Variants in COL23A1 observed in about 807,000 individuals in gnomAD.
COL23A1 encodes the protein collagen type XXIII alpha 1 chain, also known as collagen alpha-1(XXIII) chain.
COL23A1 carries 97 observed loss-of-function variants against 99.3 expected under a neutral mutation model. That is an observed-to-expected ratio of 0.98 (90% confidence interval 0.83 to 1.16). The LOEUF is 1.16. COL23A1 is among the 50% of genes most tolerant of loss of function. The pLI is 0.00. For synonymous variants in COL23A1, 320 were observed against 308.2 expected (o/e 1.04, Z -0.40); for missense variants, 762 against 757.4 (o/e 1.01, Z -0.07).
intron 5 of COL23A1, among the ~76,000 whole-genome samples, chr5:178,273,628 T>G (rs1176795904): frequency 1.3e-5 from 2 of 152,220 alleles, no homozygotes; most frequent in Non-Finnish European, 2.9e-5. Context: ...GCACCGGCAC[T>G]GAAGCTCCCT....
chr5:178,265,540 C>G (rs974130044), intron 8 of COL23A1: 6 of 339,336 alleles, frequency 1.8e-5, no homozygotes, highest in African/African-American at 6.7e-5. Flanking sequence ...TCCTGGCCAG[C>G]CTGCCTGCTC....
At chr5:178,380,305 T>C (rs1280308358) in intron 2 of COL23A1, among the ~76,000 whole-genome samples, 3 of 152,080 alleles carry the variant, frequency 2.0e-5, no homozygotes, top group East Asian at 1.9e-4. Flanking sequence ...GGGTCCAATG[T>C]GGCACACCAA....
rs139322607 is a variant in COL23A1 at position 178,282,174 on chromosome 5, C to T, written c.441+6150G>A. ...GATACAGAACTGGACATTTCATTAC[C>T]AGGGGAAGATTTAGAAATTCTTCCT... On this transcript the variant is annotated intron_variant, in intron 5 of 28. Coordinates refer to ENST00000390654, the MANE Select transcript of COL23A1 (RefSeq NM_173465.4). Among the ~76,000 whole-genome samples the T allele has an allele frequency of 7.2e-5, 11 of 152,188 alleles. No individual in the cohort carries two copies. The East Asian group carries it at 2.1e-3, about 29-fold the overall frequency.
chr5:178,330,325 G>C (rs1170000859), intron 2 of COL23A1, among the ~76,000 whole-genome samples: 3 of 152,194 alleles, frequency 2.0e-5, no homozygotes, highest in Non-Finnish European at 4.4e-5. Context: ...CTCCTGACTG[G>C]GTCAAGCCGT....
intron 3 of COL23A1, among the ~76,000 whole-genome samples, chr5:178,298,945 C>T (rs1757891149): frequency 6.6e-6 from 1 of 152,320 alleles, no homozygotes. Context: ...GTGGTTTTAT[C>T]TCTTATTCAA....
At position 178,434,339 on chromosome 5, in the gene COL23A1, C is replaced by T. The variant is rs905294934; in HGVS notation, c.361+126343G>A. 1.3e-5 allele frequency among the ~76,000 whole-genome samples: 2 copies of T among 152,198 alleles called. No individual in the cohort carries two copies. Among genetic ancestry groups the T allele is most frequent in the African/African-American group, 4.8e-5 (2 of 41,440 alleles). On this transcript the variant is annotated intron_variant, in intron 2 of 28. Transcript: ENST00000390654. The surrounding 1 kb of genome is among the most constrained non-coding windows in gnomAD (Gnocchi z 4.3). ...TCACTGGCCCCGAGGCACTGTTCTC[C>T]AGGACAGATGCAGCAACCACACATG...
chr5:178,333,710 C>T (rs1001237565), intron 2 of COL23A1, among the ~76,000 whole-genome samples: 1 of 152,242 alleles, frequency 6.6e-6, no homozygotes, highest in African/African-American at 2.4e-5. Context: ...CCTGGGAGGA[C>T]GTCCATCTGC....
intron 1 of COL23A1, chr5:178,562,318 G>A (rs1164628146): frequency 1.3e-5 from 3 of 233,924 alleles, no homozygotes; most frequent in Non-Finnish European, 2.6e-5. Flanking sequence ...ACTTTGGGAC[G>A]CCGAGGCCGG....
chr5:178,585,636 T>TGGATGGCGCTGGGGTAACG (rs1763932578), intron 1 of COL23A1, among the ~76,000 whole-genome samples: 1 of 3,822 alleles, frequency 2.6e-4, no homozygotes, highest in East Asian at 3.1e-3. Flanking sequence ...GGGGTAACAC[T>TGGATGGCGCTGGGGTAACG]CCACAGCCCT....
Position 178,544,756 on chromosome 5 carries a change from G to A in COL23A1, c.361+15926C>T, listed in dbSNP as rs899201712. Among the ~76,000 whole-genome samples the A allele has an allele frequency of 1.3e-5, 2 of 152,130 alleles. No individual in the cohort carries two copies. Among genetic ancestry groups the A allele is most frequent in the African/African-American group, 2.4e-5 (1 of 41,420 alleles). ...AGCCTCCAGGTCACCTGCTGCCCCC[G>A]TGCCACTGGGGTAGTACGTTCGGGC... is the stretch of plus-strand genomic sequence containing the variant. On this transcript the variant is annotated intron_variant, in intron 2 of 28. Transcript: ENST00000390654. The surrounding 1 kb of genome is among the most constrained non-coding windows in gnomAD (Gnocchi z 4.4).
intron 1 of COL23A1, among the ~76,000 whole-genome samples, chr5:178,586,401 C>G (rs761616413): frequency 5.3e-5 from 8 of 152,188 alleles, no homozygotes; most frequent in Non-Finnish European, 1.2e-4. Flanking sequence ...TAGGAAACCT[C>G]AGGCATGGTC....
intron 2 of COL23A1, among the ~76,000 whole-genome samples, chr5:178,435,237 T>C (rs1766492607): frequency 6.6e-6 from 1 of 152,160 alleles, no homozygotes; most frequent in Admixed American, 6.6e-5. Context: ...CCTCTTTTAA[T>C]CTCCGGATGA....
At position 178,257,637 on chromosome 5, in the gene COL23A1, A is replaced by G. The variant is rs1012273215; in HGVS notation, c.730-70T>C. On this transcript the variant is annotated intron_variant, in intron 12 of 28. Coordinates refer to ENST00000390654, the MANE Select transcript of COL23A1 (RefSeq NM_173465.4). ...GCCAGTGGGCCCCTCCCTCCTCTGG[A>G]CTTCCCAGCACACCAGTCTGCTCCT... The G allele has an allele frequency of 6.9e-6, 10 of 1,440,174 alleles. No homozygotes were observed. The Admixed American group carries it at 1.4e-4, about 20-fold the overall frequency. The allele number at this position is 1,440,174 out of a possible 1,614,324, so 89.2% of individuals were successfully genotyped here.
chr5:178,573,305 C>T (rs1284612995), intron 1 of COL23A1, among the ~76,000 whole-genome samples: 2 of 152,228 alleles, frequency 1.3e-5, no homozygotes, highest in Non-Finnish European at 2.9e-5. Context: ...CAGAAGGCAT[C>T]ACACTGAGCC....
chr5:178,365,488 CA>C lies in COL23A1; in HGVS notation c.362-58570del, dbSNP rs1444887935. 6.6e-6 allele frequency among the ~76,000 whole-genome samples: 1 copy of C among 152,152 alleles called. No individual in the cohort carries two copies. The highest frequency in any genetic ancestry group is 1.5e-5 in the Non-Finnish European group (1 of 68,026). On this transcript the variant is annotated intron_variant, in intron 2 of 28. Coordinates refer to ENST00000390654, the MANE Select transcript of COL23A1 (RefSeq NM_173465.4). This position sits in a 1 kb window ranked among gnomAD's most constrained non-coding sequence, Gnocchi z 5.2. ...TTTCTTTTGACGGGTACCCGCCACC[CA>C]ATCCCTCTTTCTTCTGATGTCGACA...
rs962194683 is a variant in COL23A1, at chr5:178,403,707, A to G, written c.362-96788T>C. ...TGAGATGCCTCACAAATGTGTAACC[A>G]TTGTTTGAAGCCGCTTCCCTGTGCA... is the stretch of plus-strand genomic sequence containing the variant. On this transcript the variant is annotated intron_variant, in intron 2 of 28. Transcript: ENST00000390654. 4.6e-5 allele frequency among the ~76,000 whole-genome samples: 7 copies of G among 152,238 alleles called. No homozygotes were observed. In the East Asian group the frequency reaches 1.3e-3, roughly 29 times the overall value.
intron 2 of COL23A1, among the ~76,000 whole-genome samples, chr5:178,412,767 C>T (rs770872279): frequency 6.6e-6 from 1 of 152,006 alleles, no homozygotes; most frequent in Non-Finnish European, 1.5e-5. Context: ...CAATATATTT[C>T]ATTGATTTTG....
Position 178,255,146 on chromosome 5 carries a change from C to T in COL23A1, c.883-120G>A. 1 of 808,814 alleles carries T rather than the reference C, an allele frequency of 1.2e-6. No homozygotes were observed. Among genetic ancestry groups the T allele is most frequent in the Non-Finnish European group, 2.1e-6 (1 of 481,220 alleles). 50.1% of individuals were successfully genotyped at this position (808,814 alleles called of 1,614,324 possible). ...CAATGGAAGAGCCTCGTCACCCAGG[C>T]TGCACGCATGCCCCTCCCCAGGGTG... On this transcript the variant is annotated intron_variant, in intron 15 of 28. Coordinates refer to ENST00000390654, the MANE Select transcript of COL23A1 (RefSeq NM_173465.4). This position sits in a 1 kb window ranked among gnomAD's most constrained non-coding sequence, Gnocchi z 4.2.
intron 2 of COL23A1, among the ~76,000 whole-genome samples, chr5:178,487,375 A>G (rs1581485784): frequency 6.6e-6 from 1 of 151,564 alleles, no homozygotes; most frequent in Non-Finnish European, 1.5e-5. Flanking sequence ...GCTGGAGTAC[A>G]GTGGTGTGAT....
Sources: gnomAD v4.1 joint callset for allele counts (sites outside exome capture counted in the v4.1 genomes callset) on GRCh38, gnomAD v4.1.1 for gene constraint, Gnocchi (gnomAD v3.1) non-coding constraint, MANE v1.5 for transcripts, NCBI Gene and HGNC (gene_info 2026-07-23, HGNC 2026-07-21) for gene names.